TRPA1: variants seen among roughly 807,000 people sequenced by gnomAD.
TRPA1 encodes transient receptor potential cation channel subfamily A member 1.
A neutral mutation model predicts 131.3 loss-of-function variants in TRPA1; 129 were observed. The ratio of observed to expected loss-of-function variants is 0.98; its 90% CI spans 0.85 to 1.14. TRPA1 has a LOEUF of 1.14. Among genes scored for constraint, TRPA1 ranks in the 50% most tolerant of loss-of-function variants. TRPA1 has a pLI of 0.00. For missense variants in TRPA1, 1,304 were observed against 1,354.2 expected (o/e 0.96, Z 0.58); for synonymous variants, 441 against 451.7 (o/e 0.98, Z 0.30).
intron 17 of TRPA1, among the ~76,000 whole-genome samples, chr8:72,045,358 C>T (rs1025809253): frequency 6.6e-6 from 1 of 151,672 alleles, no homozygotes; most frequent in African/African-American, 2.4e-5. Context: ...AAAAATTCTT[C>T]ATTGGCCTAG....
intron 16 of TRPA1, 52 bp downstream of exon 16, chr8:72,047,096 C>A: frequency 7.4e-7 from 1 of 1,343,032 alleles, no homozygotes; most frequent in South Asian, 1.2e-5. Flanking sequence ...TAATATTTTT[C>A]AAAGAATTAT....
At position 72,063,549 on chromosome 8, in the gene TRPA1, C is replaced by T; in HGVS notation, c.575G>A (p.Cys192Tyr). The T allele has an allele frequency of 6.2e-7, 1 of 1,613,468 alleles. No individual in the cohort carries two copies. Among genetic ancestry groups the T allele is most frequent in the Non-Finnish European group, 8.5e-7 (1 of 1,179,574 alleles). Residue 192 changes from cysteine (C) to tyrosine (Y), a missense_variant, in exon 5 of 27, where the codon TGT becomes TAT. Transcript: ENST00000262209. The stretch of plus-strand genomic sequence containing the variant: ...GAAACATCCCCATTTATTTGATTTA[C>T]ATGGCTTAGCTCCTTTTTTAAGCTG... ...QILLKKGAKP[C>Y]KSNKWGCFPI...
At chr8:72,071,030 C>G (rs1384432460) in intron 2 of TRPA1, among the ~76,000 whole-genome samples, 1 of 152,154 alleles carries the variant, frequency 6.6e-6, no homozygotes, top group Non-Finnish European at 1.5e-5. Context: ...CTTTCTCTTC[C>G]CATTTATTTT....
chr8:72,076,048 C>A (rs549032765), upstream of TRPA1, among the ~76,000 whole-genome samples: 1 of 152,096 alleles, frequency 6.6e-6, no homozygotes, highest in African/African-American at 2.4e-5. Flanking sequence ...CTTCTGGCGG[C>A]CTCTTTGATT....
chr8:72,072,730 T>C (rs754577125), intron 1 of TRPA1, among the ~76,000 whole-genome samples: 1 of 152,192 alleles, frequency 6.6e-6, no homozygotes, highest in Non-Finnish European at 1.5e-5. Flanking sequence ...ATATGCTCTT[T>C]GCGTAATAAA....
Position 72,046,466 on chromosome 8 carries a change from AAAAG to A in TRPA1, c.2061+43_2061+46del, listed in dbSNP as rs769984946. 26 of 1,201,780 alleles carry A rather than the reference AAAAG, an allele frequency of 2.2e-5. No homozygotes were observed. In the African/African-American group the frequency reaches 3.9e-4, roughly 18 times the overall value. 74.4% of individuals were successfully genotyped at this position (1,201,780 alleles called of 1,614,324 possible). A position where few individuals can be genotyped will look rare whatever the true frequency, so the allele number is the denominator to read the frequency against. On this transcript the variant is annotated intron_variant, in intron 17 of 26. Coordinates refer to ENST00000262209, the MANE Select transcript of TRPA1 (RefSeq NM_007332.3). ...AAACTTAAAGTATAATAAAAAAAAAAAAAGAAAAAAAAGAAACTATTTAGATAAT... is the reference window on the plus strand; with the variant it reads ...AAACTTAAAGTATAATAAAAAAAAAAAAAAAAAAGAAACTATTTAGATAAT...
intron 20 of TRPA1, among the ~76,000 whole-genome samples, chr8:72,037,112 A>C (rs1029919477): frequency 6.6e-6 from 1 of 152,210 alleles, no homozygotes; most frequent in African/African-American, 2.4e-5. Flanking sequence ...AAATCGTTTA[A>C]GGTAAAATGC....
At chr8:72,062,565 T>C (rs1018180005) in intron 6 of TRPA1, among the ~76,000 whole-genome samples, 3 of 152,180 alleles carry the variant, frequency 2.0e-5, no homozygotes, top group African/African-American at 7.2e-5. Flanking sequence ...GCACTAGATA[T>C]ATAGTCTTTG....
At chr8:72,065,624 C>A in intron 3 of TRPA1, 66 bp from the exon 4 acceptor site, 2 of 1,181,098 alleles carry the variant, frequency 1.7e-6, no homozygotes, top group African/African-American at 1.5e-5. Context: ...TTGCCTTCCA[C>A]TAGAGTTTAA....
chr8:72,061,110 G>T (rs985312727), intron 7 of TRPA1, among the ~76,000 whole-genome samples: 2 of 152,076 alleles, frequency 1.3e-5, no homozygotes, highest in African/African-American at 4.8e-5. Context: ...CCTGATGTGC[G>T]TTTCTGTTAA....
At position 72,046,554 on chromosome 8, in the gene TRPA1, G is replaced by T. The variant is rs757010124; in HGVS notation, c.2020C>A (p.Pro674Thr). Residue 674 changes from proline (P) to threonine (T), a missense_variant, in exon 17 of 27, where the codon CCT (proline) becomes ACT (threonine). Coordinates refer to ENST00000262209, the MANE Select transcript of TRPA1 (RefSeq NM_007332.3). ...GGTTCATATATAACATCCTGTGTAG[G>T]TGTTTTTTTGGTGAATTCTAATGGA... The part of the protein sequence containing the change: ...QCPLEFTKKT[P>T]TQDVIYEPLT... 1.9e-6 allele frequency: 3 copies of T among 1,600,538 alleles called. No individual in the cohort carries two copies. The highest frequency in any genetic ancestry group is 1.7e-5 in the Admixed American group (1 of 59,614).
At chr8:72,082,431 C>A in the TRPA1 span, among the ~76,000 whole-genome samples, 2 of 151,962 alleles carry the variant, frequency 1.3e-5, no homozygotes, top group Non-Finnish European at 2.9e-5. Flanking sequence ...TTATATTTGC[C>A]TACTTATTTA....
At chr8:72,069,737 TA>T (rs35083792) in intron 2 of TRPA1, among the ~76,000 whole-genome samples, 64 of 142,822 alleles carry the variant, frequency 4.5e-4, no homozygotes, top group East Asian at 2.0e-3. Flanking sequence ...TCAAACTTGG[TA>T]AAAAAAAAAT....
intron 2 of TRPA1, among the ~76,000 whole-genome samples, chr8:72,070,894 C>A (rs1376321053): frequency 6.6e-6 from 1 of 152,198 alleles, no homozygotes; most frequent in Non-Finnish European, 1.5e-5. Flanking sequence ...CTCACTGTGA[C>A]CAAATCTCAT....
chr8:72,022,921 G>C lies in TRPA1; in HGVS notation c.3345C>G (p.His1115Gln). Residue 1115 changes from histidine (H) to glutamine (Q), a missense_variant, in exon 27 of 27, where the codon CAC becomes CAG. By Grantham distance (24) the His-to-Gln change is conservative. Coordinates refer to ENST00000262209, the MANE Select transcript of TRPA1 (RefSeq NM_007332.3). Reference protein sequence around the residue: ...TVLRAVKAKTHHLEP With the variant: ...TVLRAVKAKTQHLEP ...GTCTGAGGAGCTAAGGCTCAAGATG[G>C]TGTGTTTTTGCCTTGACTGCTCTCA... 1 of 1,613,646 alleles carries C rather than the reference G, an allele frequency of 6.2e-7. No homozygotes were observed. Among genetic ancestry groups the C allele is most frequent in the Non-Finnish European group, 8.5e-7 (1 of 1,179,754 alleles).
chr8:72,077,609 T>G (rs1470751597), upstream of TRPA1, among the ~76,000 whole-genome samples: 1 of 152,208 alleles, frequency 6.6e-6, no homozygotes, highest in African/African-American at 2.4e-5. Context: ...TTGTTCCTTT[T>G]AGGCATTTTT....
rs972746634 is a variant in TRPA1 at position 72,021,288 on chromosome 8, A to C, written c.*1618T>G. The C allele has an allele frequency of 2.0e-5, 3 of 152,198 alleles. No homozygotes were observed. The highest frequency in any genetic ancestry group is 2.0e-4 in the Admixed American group (3 of 15,272). 9.4% of individuals were successfully genotyped at this position (152,198 alleles called of 1,614,324 possible). A position where few individuals can be genotyped will look rare whatever the true frequency, so the allele number is the denominator to read the frequency against. On this transcript the variant is annotated 3_prime_UTR_variant, in exon 27 of 27. Transcript: ENST00000262209. ...TGTTTATTTAAATATTTCGCATGAC[A>C]GGCATGGTACAGTGTTTCTCACATT...
intron 24 of TRPA1, among the ~76,000 whole-genome samples, chr8:72,027,571 C>T (rs1007027309): frequency 3.3e-5 from 5 of 152,140 alleles, no homozygotes; most frequent in Admixed American, 6.5e-5. Context: ...ATAACACCTG[C>T]CCCTGAAGAA....
chr8:72,062,604 T>G (rs1471420682), intron 6 of TRPA1, among the ~76,000 whole-genome samples, 195 bp downstream of exon 6: 1 of 152,140 alleles, frequency 6.6e-6, no homozygotes, highest in African/African-American at 2.4e-5. Context: ...CTGCAATTGT[T>G]TTGGGGAGCT....
Sources: gnomAD v4.1 joint callset for allele counts (sites outside exome capture counted in the v4.1 genomes callset) on GRCh38, gnomAD v4.1.1 for gene constraint, MANE v1.5 for transcripts, NCBI Gene and HGNC (gene_info 2026-07-23, HGNC 2026-07-21) for gene names.